The following CRPPA variants were observed in gnomAD, a reference collection of about 807,000 sequenced individuals.
The protein encoded by CRPPA is D-ribitol-5-phosphate cytidylyltransferase.
In CRPPA, 43 loss-of-function variants were observed where a neutral mutation model predicts 52.0. The observed-to-expected ratio is 0.83, with a 90% confidence interval of 0.65 to 1.07. The LOEUF is 1.07. Among genes scored for constraint, CRPPA ranks in the 50% least tolerant of loss-of-function variants. The pLI is 0.00. For synonymous variants in CRPPA, 250 were observed against 203.5 expected, an observed-to-expected ratio of 1.23 and a Z score of -1.94; for missense variants, 629 against 551.7, an observed-to-expected ratio of 1.14 and a Z score of -1.40.
intron 9 of CRPPA, among the ~76,000 whole-genome samples, chr7:16,201,654 G>A (rs527821700): frequency 4.6e-5 from 7 of 152,060 alleles, no homozygotes; most frequent in Non-Finnish European, 1.0e-4. Context: ...TTGCCGAACC[G>A]TGGGAGTGAA....
At chr7:16,197,374 T>C (rs2128392433) in intron 9 of CRPPA, among the ~76,000 whole-genome samples, 1 of 152,304 alleles carries the variant, frequency 6.6e-6, no homozygotes, top group East Asian at 1.9e-4. Flanking sequence ...TCTCTTCTGT[T>C]GTCCAGGCTA....
intron 9 of CRPPA, among the ~76,000 whole-genome samples, chr7:16,195,923 C>T (rs936885689): frequency 6.6e-6 from 1 of 152,114 alleles, no homozygotes; most frequent in Non-Finnish European, 1.5e-5. Context: ...ACCCCCCTTC[C>T]CCACAGCATC....
intron 8 of CRPPA, among the ~76,000 whole-genome samples, chr7:16,247,432 A>C (rs1185566867): frequency 6.6e-6 from 1 of 152,242 alleles, no homozygotes; most frequent in Non-Finnish European, 1.5e-5. Flanking sequence ...TGAGGAAAAC[A>C]GTCAAAAGAG....
At chr7:16,296,682 A>G (rs1222937319) in intron 5 of CRPPA, among the ~76,000 whole-genome samples, 6 of 152,104 alleles carry the variant, frequency 3.9e-5, no homozygotes, top group Non-Finnish European at 2.9e-5. Flanking sequence ...AATGAACATC[A>G]ACTACCAGAA....
intron 2 of CRPPA, among the ~76,000 whole-genome samples, chr7:16,384,514 A>T (rs1056087406): frequency 1.3e-5 from 2 of 152,250 alleles, no homozygotes; most frequent in East Asian, 3.8e-4. Flanking sequence ...CATTATCAAA[A>T]ATAAAGGTGA....
chr7:16,337,138 T>C (rs538499716), intron 3 of CRPPA, among the ~76,000 whole-genome samples: 110 of 152,236 alleles, frequency 7.2e-4, no homozygotes, highest in Non-Finnish European at 1.4e-3. Flanking sequence ...ATAATGGACA[T>C]GTAGAGAACA....
chr7:16,256,980 G>A (rs904830791), intron 8 of CRPPA, among the ~76,000 whole-genome samples: 21 of 151,976 alleles, frequency 1.4e-4, no homozygotes, highest in African/African-American at 5.1e-4. Flanking sequence ...AAGTTAATTT[G>A]GAGTCATCTC....
chr7:16,354,388 C>G (rs936436479), intron 3 of CRPPA, among the ~76,000 whole-genome samples: 3 of 152,080 alleles, frequency 2.0e-5, no homozygotes, highest in African/African-American at 7.2e-5. Flanking sequence ...TTTATGCACT[C>G]CACAATCAGA....
At chr7:16,360,991 T>C (rs776655899) in intron 3 of CRPPA, among the ~76,000 whole-genome samples, 2 of 152,046 alleles carry the variant, frequency 1.3e-5, no homozygotes, top group Non-Finnish European at 2.9e-5. Flanking sequence ...AGACCTAGAA[T>C]ACATAAAGAA....
chr7:16,159,077 C>T (rs1459813769), intron 9 of CRPPA, among the ~76,000 whole-genome samples: 1 of 152,288 alleles, frequency 6.6e-6, no homozygotes, highest in East Asian at 1.9e-4. Context: ...TTTTCACCAC[C>T]ACTTAGAGTG....
intron 3 of CRPPA, among the ~76,000 whole-genome samples, chr7:16,323,287 C>T (rs1785303853): frequency 6.6e-6 from 1 of 152,134 alleles, no homozygotes; most frequent in African/African-American, 2.4e-5. Flanking sequence ...TATACACTTG[C>T]CCTTATCTAT....
intron 4 of CRPPA, among the ~76,000 whole-genome samples, chr7:16,305,385 A>G (rs563204815): frequency 6.6e-6 from 1 of 152,344 alleles, no homozygotes; most frequent in African/African-American, 2.4e-5. Flanking sequence ...CAGGACTTTT[A>G]GGGTCCAAGC....
intron 3 of CRPPA, among the ~76,000 whole-genome samples, chr7:16,328,229 T>G (rs1785462382): frequency 6.6e-6 from 1 of 152,200 alleles, no homozygotes; most frequent in South Asian, 2.1e-4. Context: ...TTTTTTTATT[T>G]TATTCAGTCT....
chr7:16,244,098 T>A (rs947156265), intron 8 of CRPPA, among the ~76,000 whole-genome samples: 23 of 152,238 alleles, frequency 1.5e-4, no homozygotes, highest in Non-Finnish European at 2.6e-4. Flanking sequence ...AAGACTATTT[T>A]AATAAGTATC....
intron 4 of CRPPA, 131 bp downstream of exon 4, chr7:16,308,392 C>T: frequency 3.2e-6 from 2 of 618,820 alleles, no homozygotes; most frequent in East Asian, 2.8e-5. Flanking sequence ...AGGGATACTA[C>T]ACATTGATGG....
At chr7:16,218,857 C>A (rs1207405741) in intron 8 of CRPPA, among the ~76,000 whole-genome samples, 1 of 149,400 alleles carries the variant, frequency 6.7e-6, no homozygotes, top group Non-Finnish European at 1.5e-5. Context: ...ACTTTAACAC[C>A]CCACTGTCAA....
intron 9 of CRPPA, among the ~76,000 whole-genome samples, chr7:16,204,070 T>C (rs150839506): frequency 6.6e-6 from 1 of 152,178 alleles, no homozygotes; most frequent in African/African-American, 2.4e-5. Flanking sequence ...GTGGTGAACA[T>C]GTATTTCCTA....
intron 9 of CRPPA, among the ~76,000 whole-genome samples, chr7:16,158,424 T>G (rs1298843611): frequency 3.9e-5 from 6 of 152,160 alleles, no homozygotes; most frequent in Non-Finnish European, 7.3e-5. Flanking sequence ...CTAATGAAAT[T>G]TCTAAATGGA....
At chr7:16,217,549 T>C (rs1338801598) in intron 8 of CRPPA, among the ~76,000 whole-genome samples, 2 of 134,728 alleles carry the variant, frequency 1.5e-5, no homozygotes, top group Non-Finnish European at 3.2e-5. Context: ...TTGAAAAAAA[T>C]TTAGAAGAAT....
Sources: allele counts gnomAD v4.1 joint callset (sites outside exome capture counted in the v4.1 genomes callset), GRCh38; gene constraint gnomAD v4.1.1; transcripts MANE v1.5; gene names NCBI Gene and HGNC (gene_info 2026-07-23, HGNC 2026-07-21).